The following SFRP1 variants were observed in gnomAD, a reference collection of about 807,000 sequenced individuals.
The protein encoded by SFRP1 is secreted frizzled related protein 1.
In SFRP1, 9 loss-of-function variants were observed where a neutral mutation model predicts 25.9. The observed-to-expected ratio is 0.35, with a 90% CI of 0.21 to 0.61. The LOEUF (loss-of-function observed/expected upper bound fraction) is 0.61, where lower values mean the gene tolerates loss of function less well. Among genes scored for constraint, SFRP1 ranks in the 20% least tolerant of loss-of-function variants. The pLI is 0.78. For missense variants in SFRP1, 346 were observed against 418.2 expected (o/e 0.83, Z 1.51); for synonymous variants, 178 against 174.0 (o/e 1.02, Z -0.18).
rs1177611177 is a variant in SFRP1 at position 41,266,236 on chromosome 8, TG to T, written c.623-748del. Among the ~76,000 whole-genome samples the T allele has an allele frequency of 3.3e-5, 5 of 152,132 alleles. No individual in the cohort carries two copies. In the East Asian group the frequency reaches 9.6e-4, roughly 29 times the overall value. On this transcript the variant is annotated intron_variant, in intron 2 of 2. Coordinates refer to ENST00000220772, the MANE Select transcript of SFRP1 (RefSeq NM_003012.5). ...CCGCCCCCTATTCTGTGGTGTCCAG[TG>T]GTATCTCTCTGTAATGGCCATCGGT...
chr8:41,299,390 A>T (rs1167943922), intron 2 of SFRP1, among the ~76,000 whole-genome samples: 1 of 150,812 alleles, frequency 6.6e-6, no homozygotes, highest in Non-Finnish European at 1.5e-5. Context: ...GGCTTCTTTT[A>T]AACATGTATA....
chr8:41,265,124 C>CCCCCCCCCCCCCCCCCACCCACCA lies in SFRP1; in HGVS notation c.*42_*43insTGGTGGGTGGGGGGGGGGGGGGGG. On this transcript the variant is annotated 3_prime_UTR_variant, in exon 3 of 3. Transcript: ENST00000220772. ...TCCCGGGGCACTGTCCCCCCCGCTC[C>CCCCCCCCCCCCCCCCCACCCACCA]CACCCCACCCGAGGCTCCCTCCCCA... 1 of 461,730 alleles carries CCCCCCCCCCCCCCCCCACCCACCA rather than the reference C, an allele frequency of 2.2e-6. No individual in the cohort carries two copies. The highest frequency in any genetic ancestry group is 2.0e-5 in the African/African-American group (1 of 49,544). 28.6% of individuals were successfully genotyped at this position (461,730 alleles called of 1,614,324 possible).
At chr8:41,306,561 C>T (rs1160917371) in intron 1 of SFRP1, among the ~76,000 whole-genome samples, 3 of 152,172 alleles carry the variant, frequency 2.0e-5, no homozygotes, top group African/African-American at 4.8e-5. Flanking sequence ...GGCTCCCTTA[C>T]ACCAGGGATT....
At chr8:41,286,124 G>T (rs947577159) in intron 2 of SFRP1, among the ~76,000 whole-genome samples, 2 of 152,246 alleles carry the variant, frequency 1.3e-5, no homozygotes, top group Middle Eastern at 3.4e-3. Context: ...GGAATGGGGG[G>T]ACAGGGATGG....
chr8:41,304,794 A>C (rs1469293666), intron 1 of SFRP1, among the ~76,000 whole-genome samples: 1 of 152,108 alleles, frequency 6.6e-6, no homozygotes, highest in Non-Finnish European at 1.5e-5. Flanking sequence ...ACCACTCCCT[A>C]CTTCCAAACA....
At chr8:41,296,362 G>A in intron 2 of SFRP1, among the ~76,000 whole-genome samples, 1 of 152,196 alleles carries the variant, frequency 6.6e-6, no homozygotes, top group Non-Finnish European at 1.5e-5. Context: ...CCGTGTGACA[G>A]TGTTCCTGAA....
intron 2 of SFRP1, among the ~76,000 whole-genome samples, chr8:41,277,488 C>T (rs1803585733): frequency 6.6e-6 from 1 of 152,150 alleles, no homozygotes; most frequent in African/African-American, 2.4e-5. Context: ...AAAAACTATC[C>T]CTCGCTCTGA....
chr8:41,272,095 A>G (rs1803517055), intron 2 of SFRP1, among the ~76,000 whole-genome samples: 1 of 152,230 alleles, frequency 6.6e-6, no homozygotes, highest in African/African-American at 2.4e-5. Context: ...ATAAGAGAAG[A>G]AATATAAAAT....
chr8:41,290,410 C>T (rs927874418), intron 2 of SFRP1, among the ~76,000 whole-genome samples: 5 of 152,198 alleles, frequency 3.3e-5, no homozygotes, highest in African/African-American at 9.7e-5. Flanking sequence ...GGGCTGGCTC[C>T]GGAGGCACTG....
intron 2 of SFRP1, among the ~76,000 whole-genome samples, chr8:41,272,927 G>A (rs574640039): frequency 2.1e-4 from 29 of 136,838 alleles, no homozygotes; most frequent in African/African-American, 7.0e-4. Flanking sequence ...AAATCTTCAA[G>A]AGAAAAGGGT....
intron 2 of SFRP1, among the ~76,000 whole-genome samples, chr8:41,289,030 T>G (rs996152504): frequency 9.2e-5 from 14 of 152,324 alleles, no homozygotes; most frequent in African/African-American, 3.4e-4. Context: ...TCCTACGCCC[T>G]CCAATGCACC....
intron 2 of SFRP1, among the ~76,000 whole-genome samples, chr8:41,288,466 G>A (rs563060339): frequency 1.1e-4 from 16 of 141,258 alleles, no homozygotes; most frequent in Non-Finnish European, 2.1e-4. Flanking sequence ...GAGCCCAGGA[G>A]TTCGAGGCTG....
chr8:41,268,907 G>C (rs1423042995), intron 2 of SFRP1, among the ~76,000 whole-genome samples: 2 of 152,260 alleles, frequency 1.3e-5, no homozygotes, highest in African/African-American at 2.4e-5. Context: ...AATGCAAATG[G>C]TGGTGGTGAA....
Position 41,309,314 on chromosome 8 carries a change from C to CG in SFRP1, c.-156dup. 1.2e-6 allele frequency: 1 copy of CG among 859,982 alleles called. No homozygotes were observed. Among genetic ancestry groups the CG allele is most frequent in the South Asian group, 5.7e-5 (1 of 17,404 alleles). The allele number at this position is 859,982 out of a possible 1,614,324, so 53.3% of individuals were successfully genotyped here. On this transcript the variant is annotated 5_prime_UTR_variant, in exon 1 of 3. Transcript: ENST00000220772. ...GCCGCAAGCTGCTGCCCGGTCCCCC[C>CG]GGCCAGTGGCGGCCCTCGGCCTGCG... is the stretch of plus-strand genomic sequence containing the variant.
chr8:41,291,849 C>A, intron 2 of SFRP1, among the ~76,000 whole-genome samples: 1 of 152,180 alleles, frequency 6.6e-6, no homozygotes, highest in South Asian at 2.1e-4. Context: ...GCACTGTGAT[C>A]CAGGGCTGGA....
chr8:41,282,403 C>T (rs1803644932), intron 2 of SFRP1, among the ~76,000 whole-genome samples: 1 of 151,994 alleles, frequency 6.6e-6, no homozygotes, highest in South Asian at 2.1e-4. Context: ...GTCCCAGCTA[C>T]TCAGAAGGCT....
At position 41,308,876 on chromosome 8, in the gene SFRP1, C is replaced by G; in HGVS notation, c.284G>C (p.Ser95Thr). 1 of 1,610,898 alleles carries G rather than the reference C, an allele frequency of 6.2e-7. No homozygotes were observed. Among genetic ancestry groups the G allele is most frequent in the Non-Finnish European group, 8.5e-7 (1 of 1,179,656 alleles). Residue 95 changes from serine (S) to threonine (T), a missense_variant, in exon 1 of 3, where the codon AGC becomes ACC. Ser to Thr is a moderately conservative substitution (Grantham distance 58). Transcript: ENST00000220772. The stretch of plus-strand genomic sequence containing the variant: ...CTTGTTGAGCAGGGGCACCCAGCTG[C>G]TGGCCTGCTGCTTCACCTCCGCCAT... ...ETMAEVKQQA[S>T]SWVPLLNKNC...
intron 2 of SFRP1, among the ~76,000 whole-genome samples, chr8:41,282,236 C>T (rs1302005086): frequency 6.6e-6 from 1 of 152,258 alleles, no homozygotes. Flanking sequence ...TAGGTTTTGG[C>T]CATGCAGGGT....
At chr8:41,294,341 G>A (rs544667188) in intron 2 of SFRP1, among the ~76,000 whole-genome samples, 14 of 152,256 alleles carry the variant, frequency 9.2e-5, no homozygotes, top group Admixed American at 6.5e-4. Flanking sequence ...AGACACCGAC[G>A]TGGAAAATTT....
Sources: allele counts gnomAD v4.1 joint callset (sites outside exome capture counted in the v4.1 genomes callset), GRCh38; gene constraint gnomAD v4.1.1; transcripts MANE v1.5; gene names NCBI Gene and HGNC (gene_info 2026-07-23, HGNC 2026-07-21).